The following CDC14A variants were observed in gnomAD, a reference collection of about 807,000 sequenced individuals.
The protein encoded by CDC14A is cell division cycle 14A, also known as dual specificity protein phosphatase CDC14A.
A neutral mutation model predicts 74.4 loss-of-function variants in CDC14A; 53 were observed. The observed-to-expected ratio is 0.71, with a 90% CI of 0.57 to 0.89. The LOEUF is 0.89. CDC14A is among the 40% of genes least tolerant of loss of function. CDC14A has a pLI of 0.00. For synonymous variants in CDC14A, 247 were observed against 258.4 expected (o/e 0.96, Z 0.43); for missense variants, 646 against 713.7 (o/e 0.91, Z 1.08).
At chr1:100,419,443 T>A (rs1042633391) in intron 4 of CDC14A, among the ~76,000 whole-genome samples, 2 of 152,226 alleles carry the variant, frequency 1.3e-5, no homozygotes, top group African/African-American at 4.8e-5. Flanking sequence ...CATTTTCTTC[T>A]TATATCTGCC....
intron 9 of CDC14A, among the ~76,000 whole-genome samples, chr1:100,465,162 A>G (rs539366165): frequency 6.6e-6 from 1 of 152,052 alleles, no homozygotes; most frequent in East Asian, 1.9e-4. Context: ...ACCTCAGGAG[A>G]ATGTTGGCCA....
At chr1:100,485,204 A>G in intron 11 of CDC14A, 1 of 985,424 alleles carries the variant, frequency 1.0e-6, no homozygotes, top group Non-Finnish European at 1.2e-6. Flanking sequence ...TGTAGAGACA[A>G]GAAACTGGGG....
rs115378181 is a variant in CDC14A, at chr1:100,366,828, G to A, written c.141-10718G>A. Reference sequence around the variant, plus strand: ...GACCGATTTTCCCTTAATAGTTCATGAGTTTCATTGTAGGCATTGACCCAT... The same window carrying A: ...GACCGATTTTCCCTTAATAGTTCATAAGTTTCATTGTAGGCATTGACCCAT... On this transcript the variant is annotated intron_variant, in intron 2 of 15. Transcript: ENST00000336454. 1.8e-3 allele frequency among the ~76,000 whole-genome samples: 281 copies of A among 152,352 alleles called. 1 individual carries two copies. Among genetic ancestry groups the A allele is most frequent in the African/African-American group, 6.5e-3 (272 of 41,576 alleles).
chr1:100,449,834 G>A (rs1662360269), intron 7 of CDC14A, among the ~76,000 whole-genome samples: 1 of 152,168 alleles, frequency 6.6e-6, no homozygotes, highest in Non-Finnish European at 1.5e-5. Context: ...CAGGAGTATA[G>A]CACATTTCAA....
intron 10 of CDC14A, among the ~76,000 whole-genome samples, chr1:100,481,365 C>A (rs474064): frequency 0.048 from 7,270 of 152,164 alleles, 211 homozygotes; most frequent in African/African-American, 0.085. Context: ...TGGGATTGGG[C>A]TGGGCTTAGG....
intron 15 of CDC14A, among the ~76,000 whole-genome samples, chr1:100,501,118 T>A (rs954100500): frequency 1.3e-5 from 2 of 152,134 alleles, no homozygotes; most frequent in African/African-American, 2.4e-5. Context: ...CTATAAAAAT[T>A]GGGTGTATAG....
chr1:100,426,338 C>T (rs1662955846), intron 5 of CDC14A, among the ~76,000 whole-genome samples: 1 of 152,174 alleles, frequency 6.6e-6, no homozygotes, highest in Non-Finnish European at 1.5e-5. Context: ...CTCTTGAACC[C>T]CTGGCTTCAA....
chr1:100,425,952 G>A (rs553148071), intron 5 of CDC14A, among the ~76,000 whole-genome samples: 1 of 152,200 alleles, frequency 6.6e-6, no homozygotes, highest in African/African-American at 2.4e-5. Flanking sequence ...AAGTATCTCG[G>A]ACAAATTACT....
chr1:100,470,509 G>A lies in CDC14A; in HGVS notation c.977+2415G>A, dbSNP rs374635507. ...AATTAGTAAGATTGCAGGATACAAA[G>A]TCAGTTTTCAGAAATTTTAGCAAAA... On this transcript the variant is annotated intron_variant, in intron 10 of 15. Coordinates refer to ENST00000336454, the MANE Select transcript of CDC14A (RefSeq NM_003672.4). 1.8e-3 allele frequency among the ~76,000 whole-genome samples: 273 copies of A among 151,922 alleles called. 2 individuals carry two copies. Among genetic ancestry groups the A allele is most frequent in the African/African-American group, 6.3e-3 (261 of 41,450 alleles).
At chr1:100,376,209 A>G (rs1440671399) in intron 2 of CDC14A, among the ~76,000 whole-genome samples, 1 of 152,122 alleles carries the variant, frequency 6.6e-6, no homozygotes, top group Admixed American at 6.5e-5. Flanking sequence ...GTAAATGCTG[A>G]GTTAATAGGT....
chr1:100,352,334 A>T (rs1651154637), upstream of CDC14A: 1 of 404,606 alleles, frequency 2.5e-6, no homozygotes, highest in African/African-American at 2.2e-5. Flanking sequence ...GGCGCCTGGT[A>T]ACTGGGGCTG....
At chr1:100,486,448 C>A (rs1373837259) in intron 11 of CDC14A, among the ~76,000 whole-genome samples, 1 of 152,144 alleles carries the variant, frequency 6.6e-6, no homozygotes, top group African/African-American at 2.4e-5. Flanking sequence ...GCTGCTGTAA[C>A]AAAACACTAC....
chr1:100,462,321 G>A (rs934327725), intron 8 of CDC14A: 1 of 286,272 alleles, frequency 3.5e-6, no homozygotes, highest in African/African-American at 2.2e-5. Context: ...ACCATTCTAG[G>A]TCTGTTATGC....
rs897321645 is a variant in CDC14A at position 100,519,118 on chromosome 1, T to G, written c.*838T>G. 6.6e-6 allele frequency: 1 copy of G among 152,026 alleles called. No individual in the cohort carries two copies. Among genetic ancestry groups the G allele is most frequent in the Non-Finnish European group, 1.5e-5 (1 of 67,964 alleles). The allele number at this position is 152,026 out of a possible 1,614,324, so 9.4% of individuals were successfully genotyped here. The stretch of plus-strand genomic sequence containing the variant: ...TGAAATGACTCAATATTCCAAATGT[T>G]TTTTTTTCCTTCCTCCTTTCAAAAG... On this transcript the variant is annotated 3_prime_UTR_variant, in exon 16 of 16. Coordinates refer to ENST00000336454, the MANE Select transcript of CDC14A (RefSeq NM_003672.4).
chr1:100,362,989 C>T (rs568285438), intron 2 of CDC14A: 2 of 152,336 alleles, frequency 1.3e-5, no homozygotes, highest in Admixed American at 1.3e-4. Flanking sequence ...CAGCTGACCG[C>T]AACAGGTTTT....
chr1:100,378,706 G>A (rs1655652350), intron 3 of CDC14A, among the ~76,000 whole-genome samples: 1 of 152,098 alleles, frequency 6.6e-6, no homozygotes, highest in Non-Finnish European at 1.5e-5. Context: ...AAAAGCAATT[G>A]TGGTTTTTAT....
intron 4 of CDC14A, among the ~76,000 whole-genome samples, chr1:100,406,930 T>TA (rs1214895761): frequency 0.023 from 2,532 of 108,648 alleles, 60 homozygotes; most frequent in African/African-American, 0.067. Flanking sequence ...CTGTCTCAAA[T>TA]AAAAAAAAAA....
chr1:100,424,156 A>G (rs1294939047), intron 4 of CDC14A, 66 bp from the exon 5 acceptor site: 11 of 1,209,590 alleles, frequency 9.1e-6, no homozygotes, highest in Non-Finnish European at 1.4e-5. Flanking sequence ...TGAAATGCAA[A>G]TTTGGTGAGT....
intron 6 of CDC14A, 112 bp from the exon 7 acceptor site, chr1:100,442,822 C>T: frequency 1.4e-6 from 1 of 735,590 alleles, no homozygotes; most frequent in Middle Eastern, 2.6e-4. Context: ...TCAAAGGTTT[C>T]AAGCTGTCTC....
Sources: gnomAD v4.1 joint callset for allele counts (sites outside exome capture counted in the v4.1 genomes callset) on GRCh38, gnomAD v4.1.1 for gene constraint, MANE v1.5 for transcripts, NCBI Gene and HGNC (gene_info 2026-07-23, HGNC 2026-07-21) for gene names.